Variants in CNST observed in about 807,000 individuals in gnomAD.
CNST encodes the protein consortin, connexin sorting protein.
Under a neutral mutation model 72.4 loss-of-function variants are expected in CNST, and 39 were observed. The ratio of observed to expected loss-of-function variants is 0.54; its 90% CI spans 0.42 to 0.70. CNST has a LOEUF of 0.70. CNST is among the 30% of genes least tolerant of loss of function. The probability of loss-of-function intolerance (pLI) is 0.00; values close to 1 mark genes in which losing one functional copy is unlikely to be tolerated. For missense variants in CNST, 871 were observed against 868.5 expected (o/e 1.00, Z -0.04); for synonymous variants, 332 against 320.1 (o/e 1.04, Z -0.40).
At chr1:246,600,493 G>C (rs1343555085) in intron 2 of CNST, among the ~76,000 whole-genome samples, 6 of 152,214 alleles carry the variant, frequency 3.9e-5, no homozygotes, top group Non-Finnish European at 8.8e-5. Flanking sequence ...TCTGTAATGA[G>C]AGAGTAGCTG....
chr1:246,621,676 C>T (rs1664101166), intron 3 of CNST, 42 bp downstream of exon 3: 3 of 1,508,688 alleles, frequency 2.0e-6, no homozygotes, highest in Non-Finnish European at 2.8e-6. Context: ...ACGAAAATTC[C>T]CCTAGCAGTG....
intron 9 of CNST, among the ~76,000 whole-genome samples, chr1:246,654,106 A>T (rs550456597): frequency 1.3e-5 from 2 of 152,288 alleles, no homozygotes; most frequent in African/African-American, 4.8e-5. Context: ...TACCTGCAGG[A>T]TAAAGGCTGT....
rs555860468 is a variant in CNST, at chr1:246,652,737, G to C, written c.1836+4700G>C. On this transcript the variant is annotated intron_variant, in intron 9 of 10. Coordinates refer to ENST00000366513, the MANE Select transcript of CNST (RefSeq NM_152609.3). ...GCTTTTAATCTGGCCGGGCACAGTG[G>C]CTCACGCCTGTAATCCCAGCACTTT... Among the ~76,000 whole-genome samples the C allele has an allele frequency of 2.4e-3, 368 of 152,156 alleles. 1 individual carries two copies. Among genetic ancestry groups the C allele is most frequent in the African/African-American group, 8.5e-3 (352 of 41,528 alleles).
At chr1:246,579,715 A>C (rs1343370142) in intron 1 of CNST, among the ~76,000 whole-genome samples, 20 of 152,210 alleles carry the variant, frequency 1.3e-4, no homozygotes, top group Non-Finnish European at 2.6e-4. Context: ...AGATTGCCCC[A>C]CTGCACTCCA....
At chr1:246,658,722 CTGA>C (rs1211604690) in intron 9 of CNST, among the ~76,000 whole-genome samples, 1 of 99,278 alleles carries the variant, frequency 1.0e-5, no homozygotes, top group African/African-American at 3.1e-5. Flanking sequence ...CAGCAAGTCA[CTGA>C]TGCCAGCAAG....
chr1:246,567,039 C>T (rs1220084026), intron 1 of CNST, among the ~76,000 whole-genome samples: 2 of 141,480 alleles, frequency 1.4e-5, no homozygotes, highest in South Asian at 2.5e-4. Context: ...TCATTTCCCC[C>T]CCACACCTGG....
chr1:246,644,719 T>A (rs531148973), intron 8 of CNST, among the ~76,000 whole-genome samples: 10 of 152,370 alleles, frequency 6.6e-5, no homozygotes, highest in African/African-American at 2.4e-4. Context: ...GGGTTCTCTC[T>A]GCCCTGTGCT....
chr1:246,647,659 G>C lies in CNST; in HGVS notation c.1458G>C (p.Gln486His). ...LENNELNELQ[Q>H]PDLTDSDGKS... is the part of the protein sequence containing the mutation. ...ACAATGAATTAAATGAGCTGCAGCA[G>C]CCTGATCTTACAGACAGTGATGGAA... Residue 486 changes from glutamine (Q) to histidine (H), a missense_variant, in exon 9 of 11, where the codon CAG becomes CAC. Gln to His is a conservative substitution (Grantham distance 24). Transcript: ENST00000366513. The C allele has an allele frequency of 1.9e-6, 3 of 1,614,196 alleles. No homozygotes were observed. Among genetic ancestry groups the C allele is most frequent in the Non-Finnish European group, 2.5e-6 (3 of 1,180,042 alleles).
At position 246,621,619 on chromosome 1, in the gene CNST, C is replaced by G. The variant is rs1191504946; in HGVS notation, c.570C>G (p.Pro190=). ...AGCAGTTGGATTCAAGAGCACTTCCCCTTTGCCTTCATCAGGTACTCTGGT... is the reference window on the plus strand; with the variant it reads ...AGCAGTTGGATTCAAGAGCACTTCCGCTTTGCCTTCATCAGGTACTCTGGT... ...EVEQLDSRAL[P]LCLHQIAESY... The change falls in exon 3 of 11, where the codon CCC becomes CCG. Residue 190 remains proline (P), a synonymous_variant. Coordinates refer to ENST00000366513, the MANE Select transcript of CNST (RefSeq NM_152609.3). The G allele has an allele frequency of 1.2e-6, 2 of 1,613,764 alleles. No individual in the cohort carries two copies. The highest frequency in any genetic ancestry group is 2.2e-5 in the South Asian group (2 of 91,060).
At chr1:246,605,484 G>C (rs1274295964) in intron 2 of CNST, among the ~76,000 whole-genome samples, 1 of 152,240 alleles carries the variant, frequency 6.6e-6, no homozygotes, top group Non-Finnish European at 1.5e-5. Context: ...GCATCACGCT[G>C]TTTTAATGCG....
At chr1:246,640,976 C>A (rs1007180712) in intron 6 of CNST, among the ~76,000 whole-genome samples, 1 of 152,178 alleles carries the variant, frequency 6.6e-6, no homozygotes, top group Non-Finnish European at 1.5e-5. Flanking sequence ...CATGCACCTG[C>A]CAACTTCGTA....
At chr1:246,663,026 G>A (rs1667190959) in intron 10 of CNST, among the ~76,000 whole-genome samples, 1 of 152,150 alleles carries the variant, frequency 6.6e-6, no homozygotes, top group Non-Finnish European at 1.5e-5. Flanking sequence ...CATAGATGAA[G>A]TGGGGGTAGG....
chr1:246,581,210 A>G (rs911042526), intron 1 of CNST, among the ~76,000 whole-genome samples: 3 of 152,214 alleles, frequency 2.0e-5, no homozygotes. Context: ...GGATATGGTA[A>G]CAGCCACATT....
chr1:246,601,985 A>G (rs1040889891), intron 2 of CNST, among the ~76,000 whole-genome samples: 1 of 152,122 alleles, frequency 6.6e-6, no homozygotes, highest in Non-Finnish European at 1.5e-5. Context: ...AAAACCCTTT[A>G]GTGGAAAGCT....
At chr1:246,658,543 A>T (rs756211700) in intron 9 of CNST, among the ~76,000 whole-genome samples, 24 of 152,326 alleles carry the variant, frequency 1.6e-4, no homozygotes, top group Admixed American at 3.3e-4. Context: ...ATCTTGGTCT[A>T]TTTGGCCCTA....
At chr1:246,628,855 C>G (rs995433110) in intron 3 of CNST, among the ~76,000 whole-genome samples, 3 of 152,098 alleles carry the variant, frequency 2.0e-5, no homozygotes, top group African/African-American at 4.8e-5. Context: ...AAAGGATAAC[C>G]AGGATCACCT....
intron 6 of CNST, among the ~76,000 whole-genome samples, chr1:246,636,817 A>T (rs922421428): frequency 6.6e-6 from 1 of 152,164 alleles, no homozygotes; most frequent in Admixed American, 6.5e-5. Flanking sequence ...GGATCTTTCT[A>T]TATGACTATG....
At chr1:246,625,026 A>G (rs1335200912) in intron 3 of CNST, among the ~76,000 whole-genome samples, 3 of 152,208 alleles carry the variant, frequency 2.0e-5, no homozygotes, top group Non-Finnish European at 2.9e-5. Flanking sequence ...AATTTGCATT[A>G]TGACACTTCA....
intron 1 of CNST, among the ~76,000 whole-genome samples, chr1:246,588,712 TTAA>T (rs755211505): frequency 6.6e-6 from 1 of 152,292 alleles, no homozygotes; most frequent in Non-Finnish European, 1.5e-5. Context: ...ATGTGTAGAA[TTAA>T]TAAATTCTTT....
Sources: allele counts gnomAD v4.1 joint callset (sites outside exome capture counted in the v4.1 genomes callset), GRCh38; gene constraint gnomAD v4.1.1; transcripts MANE v1.5; gene names NCBI Gene and HGNC (gene_info 2026-07-23, HGNC 2026-07-21).